The following AR variants were observed in gnomAD, a reference collection of about 807,000 sequenced individuals.
AR encodes the protein androgen receptor.
A neutral mutation model predicts 53.9 loss-of-function variants in AR; 8 were observed. The ratio of observed to expected loss-of-function variants is 0.15; its 90% CI spans 0.09 to 0.27. The LOEUF (loss-of-function observed/expected upper bound fraction) is 0.27, where lower values mean the gene tolerates loss of function less well. Ranked by LOEUF, AR falls within the 10% of genes least tolerant of loss-of-function variation. AR has a pLI of 1.00. For synonymous variants in AR, 359 were observed against 316.4 expected, an observed-to-expected ratio of 1.13 and a Z score of -1.43; for missense variants, 639 against 742.5, an observed-to-expected ratio of 0.86 and a Z score of 1.62.
intron 1 of AR, among the ~76,000 whole-genome samples, chrX:67,591,306 T>C (rs1922817582): frequency 9.1e-6 from 1 of 109,362 alleles, no homozygotes; most frequent in African/African-American, 3.3e-5. Context: ...GGTCAGAATA[T>C]ATATCGCTGT....
chrX:67,601,585 T>A (rs999953484), intron 1 of AR, among the ~76,000 whole-genome samples: 1 of 112,088 alleles, frequency 8.9e-6, no homozygotes, highest in Non-Finnish European at 1.9e-5. Flanking sequence ...TTTGAGCCCA[T>A]AATGTATGAT....
chrX:67,587,450 A>G (rs1196789616), intron 1 of AR, among the ~76,000 whole-genome samples: 2 of 112,530 alleles, frequency 1.8e-5, no homozygotes, highest in East Asian at 5.6e-4. Context: ...CTGTTTGAAA[A>G]TCACACTTTT....
intron 2 of AR, among the ~76,000 whole-genome samples, chrX:67,658,907 C>T (rs1272054923): frequency 9.0e-6 from 1 of 111,618 alleles, no homozygotes; most frequent in Non-Finnish European, 1.9e-5. Context: ...TGTGTGATAA[C>T]CAAACCTTTA....
At chrX:67,621,365 G>T (rs1924368707) in intron 1 of AR, among the ~76,000 whole-genome samples, 1 of 111,301 alleles carries the variant, frequency 9.0e-6, no homozygotes, top group African/African-American at 3.3e-5. Flanking sequence ...TTGTTTGTTT[G>T]TTTTTTAATT....
intron 5 of AR, 24 bp downstream of exon 5, chrX:67,717,646 C>T (rs750454598): frequency 1.7e-6 from 2 of 1,211,399 alleles, no homozygotes; most frequent in South Asian, 1.8e-5. Flanking sequence ...GGGCCCAGAC[C>T]TCACTAAAAT....
chrX:67,723,568 A>G, intron 7 of AR, 118 bp from the exon 8 acceptor site: 1 of 802,217 alleles, frequency 1.2e-6, no homozygotes, highest in South Asian at 2.1e-5. Flanking sequence ...CCAAGGAAGT[A>G]CGGGGAAGGG....
chrX:67,722,247 G>A (rs2076138990), intron 6 of AR: 1 of 310,705 alleles, frequency 3.2e-6, no homozygotes. Flanking sequence ...GTTACAGCAG[G>A]TCTCTGAATT....
chrX:67,546,213 C>G lies in AR; in HGVS notation c.1067C>G (p.Ala356Gly), dbSNP rs1277740379. 2 of 1,210,407 alleles carry G rather than the reference C, an allele frequency of 1.7e-6. No individual in the cohort carries two copies. Among genetic ancestry groups the G allele is most frequent in the Admixed American group, 4.3e-5 (2 of 46,021 alleles). The change falls in exon 1 of 8, where the codon GCA (alanine) becomes GGA (glycine). Residue 356 changes from alanine (A) to glycine (G), a missense_variant. Ala to Gly is a moderately conservative substitution (Grantham distance 60, BLOSUM62 0). This residue lies in a region of AR where 423 missense variants were observed against 377.0 expected (regional missense o/e 1.12). Coordinates refer to ENST00000374690, the MANE Select transcript of AR (RefSeq NM_000044.6). ...TACAAGTCCGGAGCACTGGACGAGG[C>G]AGCTGCGTACCAGAGTCGCGACTAC... The part of the protein sequence containing the change: ...SLYKSGALDE[A>G]AAYQSRDYYN...
At chrX:67,626,707 TG>T (rs1246658048) in intron 1 of AR, among the ~76,000 whole-genome samples, 1 of 101,524 alleles carries the variant, frequency 9.8e-6, no homozygotes, top group Non-Finnish European at 2.0e-5. Context: ...TGTATACATG[TG>T]CCATGCAGGT....
intron 2 of AR, among the ~76,000 whole-genome samples, chrX:67,656,392 A>G (rs1004226868): frequency 6.3e-5 from 7 of 111,064 alleles, no homozygotes; most frequent in African/African-American, 9.8e-5. Context: ...GAAAAAATCT[A>G]TAAGCAGAGC....
chrX:67,601,781 GA>G (rs369898255), intron 1 of AR, among the ~76,000 whole-genome samples: 1 of 112,017 alleles, frequency 8.9e-6, no homozygotes, highest in African/African-American at 3.2e-5. Context: ...GTATAAAGGG[GA>G]TAATGTGAAA....
intron 1 of AR, among the ~76,000 whole-genome samples, chrX:67,632,694 A>C (rs1925223286): frequency 8.9e-6 from 1 of 112,406 alleles, no homozygotes; most frequent in African/African-American, 3.2e-5. Context: ...GACTTCATCA[A>C]ATTTGAAATT....
rs72092334 is a variant in AR, at chrX:67,604,198, A to ATGTGTGTGTGTGTGTG, written c.1617-39026_1617-39011dup. Among the ~76,000 whole-genome samples the ATGTGTGTGTGTGTGTG allele has an allele frequency of 2.6e-3, 203 of 78,138 alleles. 3 individuals are homozygous for ATGTGTGTGTGTGTGTG. The highest frequency in any genetic ancestry group is 9.1e-3 in the African/African-American group (186 of 20,485). 67.9% of individuals were successfully genotyped at this position (78,138 alleles called of 115,157 possible). On this transcript the variant is annotated intron_variant, in intron 1 of 7. Coordinates refer to ENST00000374690, the MANE Select transcript of AR (RefSeq NM_000044.6). ...AGAAGGTCAGAAGCTGGGGAGAAAT[A>ATGTGTGTGTGTGTGTG]TGTGTGTGTGTGTGTGTGTGTGTGT...
At chrX:67,568,673 A>T (rs1197155900) in intron 1 of AR, among the ~76,000 whole-genome samples, 1 of 111,952 alleles carries the variant, frequency 8.9e-6, no homozygotes, top group Non-Finnish European at 1.9e-5. Flanking sequence ...ACACTACTGT[A>T]CTTATTGAAA....
intron 1 of AR, among the ~76,000 whole-genome samples, chrX:67,563,489 C>T (rs1269626832): frequency 9.0e-6 from 1 of 111,168 alleles, no homozygotes; most frequent in African/African-American, 3.3e-5. Context: ...TAAATTGTAC[C>T]TATTATTATT....
chrX:67,560,599 C>A (rs1280353057), intron 1 of AR, among the ~76,000 whole-genome samples: 3 of 111,410 alleles, frequency 2.7e-5, no homozygotes, highest in African/African-American at 9.8e-5. Flanking sequence ...GGTTAAAGTC[C>A]AAATTATTTA....
chrX:67,719,329 T>C (rs989334706), intron 5 of AR, among the ~76,000 whole-genome samples: 3 of 112,212 alleles, frequency 2.7e-5, no homozygotes, highest in African/African-American at 9.7e-5. Context: ...AGCAGTTGAA[T>C]CAACTCCATG....
intron 2 of AR, among the ~76,000 whole-genome samples, chrX:67,669,565 C>A (rs960555849): frequency 8.9e-6 from 1 of 111,754 alleles, no homozygotes; most frequent in African/African-American, 3.2e-5. Flanking sequence ...CCATTTAAGA[C>A]ATAATGCAGA....
intron 1 of AR, among the ~76,000 whole-genome samples, chrX:67,566,536 TTG>T (rs1346826613): frequency 2.7e-5 from 3 of 111,371 alleles, no homozygotes; most frequent in Non-Finnish European, 5.7e-5. Flanking sequence ...GTGTGTGTAT[TTG>T]TGTGTGTGAA....
Sources: allele counts gnomAD v4.1 joint callset (sites outside exome capture counted in the v4.1 genomes callset), GRCh38; gene constraint gnomAD v4.1.1; regional missense constraint gnomAD v4.1.1; transcripts MANE v1.5; gene names NCBI Gene and HGNC (gene_info 2026-07-23, HGNC 2026-07-21).